The following IL1RAPL1 variants were observed in gnomAD, a reference collection of about 807,000 sequenced individuals.
The protein encoded by IL1RAPL1 is interleukin-1 receptor accessory protein-like 1.
A neutral mutation model predicts 48.4 loss-of-function variants in IL1RAPL1; 3 were observed. The observed-to-expected ratio is 0.06, with a 90% CI of 0.03 to 0.16. The LOEUF (loss-of-function observed/expected upper bound fraction) is 0.16, where lower values mean the gene tolerates loss of function less well. Ranked by LOEUF, IL1RAPL1 falls within the 10% of genes least tolerant of loss-of-function variation. The probability of loss-of-function intolerance (pLI) is 1.00; values close to 1 mark genes in which losing one functional copy is unlikely to be tolerated. For missense variants in IL1RAPL1, 349 were observed against 530.6 expected, an observed-to-expected ratio of 0.66 and a Z score of 3.36; for synonymous variants, 185 against 187.7, an observed-to-expected ratio of 0.99 and a Z score of 0.12.
At chrX:28,815,597 G>A (rs995483508) in intron 2 of IL1RAPL1, among the ~76,000 whole-genome samples, 22 of 104,119 alleles carry the variant, frequency 2.1e-4, no homozygotes, top group Non-Finnish European at 3.4e-4. Flanking sequence ...AATCAACCTC[G>A]CTTCATCCCC....
At chrX:28,821,764 T>C (rs1419659734) in intron 2 of IL1RAPL1, among the ~76,000 whole-genome samples, 1 of 111,020 alleles carries the variant, frequency 9.0e-6, no homozygotes, top group Admixed American at 9.6e-5. Flanking sequence ...GGCCAGAAAT[T>C]GGGTGAAGTT....
intron 2 of IL1RAPL1, among the ~76,000 whole-genome samples, chrX:29,210,624 T>C: frequency 8.9e-6 from 1 of 111,972 alleles, no homozygotes; most frequent in Non-Finnish European, 1.9e-5. Flanking sequence ...TCATGAAATA[T>C]GTAATTCTCA....
intron 1 of IL1RAPL1, among the ~76,000 whole-genome samples, chrX:28,657,587 A>G (rs1934763678): frequency 1.8e-5 from 2 of 112,856 alleles, no homozygotes; most frequent in African/African-American, 6.4e-5. Context: ...CTCAATTTTC[A>G]AAGACCTTTT....
chrX:29,841,898 C>T (rs1037121677), intron 6 of IL1RAPL1, among the ~76,000 whole-genome samples: 1 of 111,640 alleles, frequency 9.0e-6, no homozygotes, highest in Admixed American at 9.5e-5. Context: ...CAAAAGGATA[C>T]GGAACAAGAT....
intron 2 of IL1RAPL1, among the ~76,000 whole-genome samples, chrX:29,031,389 T>C (rs778785642): frequency 8.9e-6 from 1 of 111,922 alleles, no homozygotes; most frequent in African/African-American, 3.2e-5. Flanking sequence ...GATTGATTTC[T>C]TTTGTGGGTA....
chrX:29,896,250 A>G (rs938312233), intron 6 of IL1RAPL1, among the ~76,000 whole-genome samples: 14 of 112,149 alleles, frequency 1.2e-4, no homozygotes, highest in South Asian at 3.7e-4. Flanking sequence ...AGCACCTGGT[A>G]TGTGATATTT....
chrX:29,884,570 C>G (rs1013544292), intron 6 of IL1RAPL1, among the ~76,000 whole-genome samples: 3 of 111,507 alleles, frequency 2.7e-5, no homozygotes, highest in Non-Finnish European at 5.7e-5. Flanking sequence ...TACTCTCATT[C>G]CACTGATGAG....
intron 6 of IL1RAPL1, among the ~76,000 whole-genome samples, chrX:29,832,011 G>A (rs1022828299): frequency 1.8e-5 from 2 of 111,456 alleles, no homozygotes; most frequent in Non-Finnish European, 1.9e-5. Context: ...CTGTCAACCC[G>A]TGGGACACCT....
At chrX:29,413,439 G>C (rs910661466) in intron 5 of IL1RAPL1, among the ~76,000 whole-genome samples, 36 of 109,340 alleles carry the variant, frequency 3.3e-4, no homozygotes, top group Admixed American at 3.0e-3. Flanking sequence ...GTGCCATGTT[G>C]GTGTGCTGCA....
intron 5 of IL1RAPL1, among the ~76,000 whole-genome samples, chrX:29,412,000 G>A (rs1434733345): frequency 9.0e-6 from 1 of 111,680 alleles, no homozygotes; most frequent in Non-Finnish European, 1.9e-5. Context: ...GCTGGGCATG[G>A]TGGCTCACAC....
chrX:29,309,590 A>G (rs1359546501), intron 3 of IL1RAPL1, among the ~76,000 whole-genome samples: 2 of 111,355 alleles, frequency 1.8e-5, no homozygotes, highest in East Asian at 5.7e-4. Context: ...AGTCGACTAG[A>G]TCACCTGAGG....
chrX:29,829,281 C>A (rs1327772921), intron 6 of IL1RAPL1, among the ~76,000 whole-genome samples: 1 of 108,297 alleles, frequency 9.2e-6, no homozygotes, highest in African/African-American at 3.4e-5. Flanking sequence ...TGGAAGGTTT[C>A]CATTTAAACT....
At chrX:29,691,685 A>G (rs1364113020) in intron 6 of IL1RAPL1, among the ~76,000 whole-genome samples, 2 of 106,619 alleles carry the variant, frequency 1.9e-5, no homozygotes, top group African/African-American at 3.4e-5. Context: ...AAAGCTCACT[A>G]TAGAGCCGAG....
chrX:29,857,755 C>G (rs148361360), intron 6 of IL1RAPL1, among the ~76,000 whole-genome samples: 2,057 of 111,188 alleles, frequency 0.019, 49 homozygotes, highest in African/African-American at 0.063. Flanking sequence ...AATGAAGAAC[C>G]AAACAAGTGG....
chrX:28,703,146 T>C (rs1359417465), intron 1 of IL1RAPL1, among the ~76,000 whole-genome samples: 1 of 111,569 alleles, frequency 9.0e-6, no homozygotes, highest in Non-Finnish European at 1.9e-5. Context: ...AGAGTTCTTA[T>C]GAAAGCAAGC....
At chrX:28,803,508 G>A (rs1936696893) in intron 2 of IL1RAPL1, among the ~76,000 whole-genome samples, 1 of 111,791 alleles carries the variant, frequency 8.9e-6, no homozygotes, top group African/African-American at 3.2e-5. Context: ...TTATTGGTCG[G>A]CAATGTTTTG....
intron 5 of IL1RAPL1, among the ~76,000 whole-genome samples, chrX:29,650,844 T>C (rs1378916217): frequency 9.0e-6 from 1 of 110,648 alleles, no homozygotes; most frequent in Non-Finnish European, 1.9e-5. Context: ...AAGCAGCCTA[T>C]AGAATGAAAG....
intron 2 of IL1RAPL1, among the ~76,000 whole-genome samples, chrX:28,888,602 G>A (rs1211071127): frequency 9.0e-6 from 1 of 110,908 alleles, no homozygotes; most frequent in Admixed American, 9.6e-5. Context: ...AGTTGTGGAG[G>A]CAGGGGTTTT....
At chrX:28,712,656 T>A (rs1386484515) in intron 1 of IL1RAPL1, among the ~76,000 whole-genome samples, 1 of 111,188 alleles carries the variant, frequency 9.0e-6, no homozygotes, top group Non-Finnish European at 1.9e-5. Context: ...CCAGTAGCGA[T>A]GTATAGGCAA....
Sources: allele counts gnomAD v4.1 joint callset (sites outside exome capture counted in the v4.1 genomes callset), GRCh38; gene constraint gnomAD v4.1.1; transcripts MANE v1.5; gene names NCBI Gene and HGNC (gene_info 2026-07-23, HGNC 2026-07-21).